The following NOP9 variants were observed in gnomAD, a reference collection of about 807,000 sequenced individuals.
NOP9 encodes nucleolar protein 9.
A neutral mutation model predicts 63.0 loss-of-function variants in NOP9; 50 were observed. That is an observed-to-expected ratio of 0.79 (90% CI 0.63 to 1.00). The LOEUF (loss-of-function observed/expected upper bound fraction) is 1.00, where lower values mean the gene tolerates loss of function less well. Ranked by LOEUF, NOP9 falls within the 50% of genes least tolerant of loss-of-function variation. The pLI, the probability that NOP9 is intolerant of heterozygous loss-of-function variation, is 0.00. For synonymous variants in NOP9, 343 were observed against 332.8 expected, an observed-to-expected ratio of 1.03 and a Z score of -0.33; for missense variants, 758 against 803.0, an observed-to-expected ratio of 0.94 and a Z score of 0.68.
chr14:24,278,983 G>A, the NOP9 span, among the ~76,000 whole-genome samples: 6 of 152,292 alleles, frequency 3.9e-5, no homozygotes, highest in South Asian at 6.2e-4. Context: ...AATAGAAACC[G>A]AATTGATTCT....
chr14:24,275,020 C>A, the NOP9 span, among the ~76,000 whole-genome samples: 1 of 146,436 alleles, frequency 6.8e-6, no homozygotes, highest in African/African-American at 2.5e-5. Flanking sequence ...TCAAGCGATT[C>A]TCCTGCCTCA....
At chr14:24,285,315 C>T in the NOP9 span, among the ~76,000 whole-genome samples, 1 of 152,190 alleles carries the variant, frequency 6.6e-6, no homozygotes, top group Non-Finnish European at 1.5e-5. Flanking sequence ...TAAGCTGTCA[C>T]ACTTTCCTCT....
rs1442917797 is a variant in NOP9 at position 24,304,094 on chromosome 14, A to G, written c.1464A>G (p.Leu488=). 2 of 1,614,078 alleles carry G rather than the reference A, an allele frequency of 1.2e-6. No individual in the cohort carries two copies. The highest frequency in any genetic ancestry group is 1.3e-5 in the African/African-American group (1 of 74,910). Residue 488 remains leucine, a synonymous_variant, in exon 8 of 10, where the codon CTA becomes CTG. Coordinates refer to ENST00000267425, the MANE Select transcript of NOP9 (RefSeq NM_174913.3). ...GGGATGTGACAGTCCTTGGGTCTCTACTGCTCCAGCATCTGCTGCACTTCT... is the reference window on the plus strand; with the variant it reads ...GGGATGTGACAGTCCTTGGGTCTCTGCTGCTCCAGCATCTGCTGCACTTCT... ...ALGDVTVLGS[L]LLQHLLHFST...
Position 24,306,675 on chromosome 14 carries a change from C to T in NOP9, c.*1580C>T, listed in dbSNP as rs1183124951. Reference sequence around the variant, plus strand: ...ATACCTCCTAAAGGTTGCAGCTCTCCGTGTTCTTCAGTTTTTGGGGGATCC... The same window carrying T: ...ATACCTCCTAAAGGTTGCAGCTCTCTGTGTTCTTCAGTTTTTGGGGGATCC... On this transcript the variant is annotated 3_prime_UTR_variant, in exon 10 of 10. Coordinates refer to ENST00000267425, the MANE Select transcript of NOP9 (RefSeq NM_174913.3). 4.9e-5 allele frequency: 44 copies of T among 902,426 alleles called. No individual in the cohort carries two copies. Among genetic ancestry groups the T allele is most frequent in the Non-Finnish European group, 6.4e-5 (38 of 594,872 alleles). 55.9% of individuals were successfully genotyped at this position (902,426 alleles called of 1,614,324 possible). A position where few individuals can be genotyped will look rare whatever the true frequency, so the allele number is the denominator to read the frequency against.
chr14:24,304,092 C>T lies in NOP9; in HGVS notation c.1462C>T (p.Leu488=), dbSNP rs182478057. The change falls in exon 8 of 10, where the codon CTA becomes TTA. Residue 488 remains leucine (L), a synonymous_variant. Coordinates refer to ENST00000267425, the MANE Select transcript of NOP9 (RefSeq NM_174913.3). ...GGGGGATGTGACAGTCCTTGGGTCTCTACTGCTCCAGCATCTGCTGCACTT... is the reference window on the plus strand; with the variant it reads ...GGGGGATGTGACAGTCCTTGGGTCTTTACTGCTCCAGCATCTGCTGCACTT... ...ALGDVTVLGS[L]LLQHLLHFST... is the part of the protein sequence containing the mutation. 1.2e-6 allele frequency: 2 copies of T among 1,614,234 alleles called. No individual in the cohort carries two copies. Among genetic ancestry groups the T allele is most frequent in the East Asian group, 2.2e-5 (1 of 44,894 alleles).
In NOP9 at chr14:24,300,441, A is replaced by C. The variant is rs192494773; in HGVS notation, c.281A>C (p.Glu94Ala). 19 of 1,613,948 alleles carry C rather than the reference A, an allele frequency of 1.2e-5. No individual in the cohort carries two copies. The highest frequency in any genetic ancestry group is 1.7e-5 in the Admixed American group (1 of 60,000). ...GTGCACAATATAATGAAGGAAGTAG[A>C]GACTCAGGCCCTAGCTTTGTCCACG... ...LMVHNIMKEVETQALALSTNR... is the reference protein window; with the variant it reads ...LMVHNIMKEVATQALALSTNR... The change falls in exon 2 of 10, where the codon GAG becomes GCG. Residue 94 changes from glutamate to alanine, a missense_variant. Transcript: ENST00000267425.
chr14:24,283,031 C>G, the NOP9 span, among the ~76,000 whole-genome samples: 1 of 152,254 alleles, frequency 6.6e-6, no homozygotes. Context: ...CATGACAACT[C>G]TGTCCAAACC....
At chr14:24,288,980 A>ATT in the NOP9 span, among the ~76,000 whole-genome samples, 1 of 144,164 alleles carries the variant, frequency 6.9e-6, no homozygotes. Flanking sequence ...CGCCCAGCTA[A>ATT]TTTTTTTTTT....
chr14:24,271,990 G>A, the NOP9 span, among the ~76,000 whole-genome samples: 1 of 152,026 alleles, frequency 6.6e-6, no homozygotes, highest in African/African-American at 2.4e-5. Flanking sequence ...CTGCACCTCT[G>A]CCTCTCTCTT....
In NOP9 at chr14:24,306,212, A is replaced by G. The variant is rs1024930072; in HGVS notation, c.*1117A>G. On this transcript the variant is annotated 3_prime_UTR_variant, in exon 10 of 10. Coordinates refer to ENST00000267425, the MANE Select transcript of NOP9 (RefSeq NM_174913.3). Reference sequence around the variant, plus strand: ...CACTAATCTCCATCAGCACTGGGTCAGACCCTCCCTCGCTTGGACTTTCTG... The same window carrying G: ...CACTAATCTCCATCAGCACTGGGTCGGACCCTCCCTCGCTTGGACTTTCTG... 104 of 1,546,284 alleles carry G rather than the reference A, an allele frequency of 6.7e-5. No individual in the cohort carries two copies. Among genetic ancestry groups the G allele is most frequent in the Non-Finnish European group, 8.4e-5 (95 of 1,128,738 alleles).
rs897929988 is a variant in NOP9, at chr14:24,307,093, T to G, written c.*1998T>G. 1 of 350,710 alleles carries G rather than the reference T, an allele frequency of 2.9e-6. No individual in the cohort carries two copies. Among genetic ancestry groups the G allele is most frequent in the African/African-American group, 2.1e-5 (1 of 47,710 alleles). The allele number at this position is 350,710 out of a possible 1,614,324, so 21.7% of individuals were successfully genotyped here. ...GAAGTGGCAGAATCAGAATTTGAACTTGATTTGTCACACAAATCACCTTTC... is the reference window on the plus strand; with the variant it reads ...GAAGTGGCAGAATCAGAATTTGAACGTGATTTGTCACACAAATCACCTTTC... On this transcript the variant is annotated 3_prime_UTR_variant, in exon 10 of 10. Transcript: ENST00000267425.
At chr14:24,282,989 G>A in the NOP9 span, among the ~76,000 whole-genome samples, 1 of 152,212 alleles carries the variant, frequency 6.6e-6, no homozygotes, top group Non-Finnish European at 1.5e-5. Context: ...GTGGGCAGCA[G>A]CATCCCACTG....
chr14:24,277,539 AC>A, the NOP9 span, among the ~76,000 whole-genome samples: 1 of 152,182 alleles, frequency 6.6e-6, no homozygotes, highest in South Asian at 2.1e-4. Context: ...AGAGAGGAGA[AC>A]TTCTGTGCTC....
At chr14:24,291,245 T>C in the NOP9 span, 2 of 1,611,628 alleles carry the variant, frequency 1.2e-6, no homozygotes, top group South Asian at 1.1e-5. Context: ...CAGGTGGAGA[T>C]GGCAGGCAGG....
At chr14:24,281,910 G>A in the NOP9 span, among the ~76,000 whole-genome samples, 1 of 152,144 alleles carries the variant, frequency 6.6e-6, no homozygotes, top group Admixed American at 6.5e-5. Flanking sequence ...GGCCTCCAAA[G>A]TCAAAACCAA....
chr14:24,304,311 C>T (rs756638703), intron 8 of NOP9, 34 bp downstream of exon 8: 1 of 1,552,040 alleles, frequency 6.4e-7, no homozygotes, highest in Non-Finnish European at 8.9e-7. Context: ...GATTCCCCAC[C>T]ATCATCCATT....
rs2041465066 is a variant in NOP9 at position 24,305,386 on chromosome 14, T to C, written c.*291T>C. On this transcript the variant is annotated 3_prime_UTR_variant, in exon 10 of 10. Transcript: ENST00000267425. ...AGATGCCTGGGGGACATCTTGATCT[T>C]GGCCTTTCAGGGCAAGTGGGAGGCC... 5 of 578,386 alleles carry C rather than the reference T, an allele frequency of 8.6e-6. No homozygotes were observed. The highest frequency in any genetic ancestry group is 1.5e-5 in the Non-Finnish European group (5 of 344,164). 35.8% of individuals were successfully genotyped at this position (578,386 alleles called of 1,614,324 possible).
the NOP9 span, among the ~76,000 whole-genome samples, chr14:24,278,906 G>A: frequency 4.6e-5 from 7 of 152,204 alleles, no homozygotes; most frequent in Admixed American, 2.0e-4. Context: ...CCACAGGGAA[G>A]ACATGAAGAT....
At position 24,304,579 on chromosome 14, in the gene NOP9, G is replaced by T. The variant is rs145680020; in HGVS notation, c.1734G>T (p.Lys578Asn). Residue 578 changes from lysine to asparagine, a missense_variant, in exon 9 of 10, where the codon AAG (lysine) becomes AAT (asparagine). Physicochemically the swap from Lys to Asn is moderately conservative, Grantham distance 94. Coordinates refer to ENST00000267425, the MANE Select transcript of NOP9 (RefSeq NM_174913.3). ...IWSGAALRAR[K>N]EIAAELGEQN... ...GTGGAGCAGCCTTGAGGGCCCGGAAGGAAATTGCTGCTGAGCTTGGTGAGT... is the reference window on the plus strand; with the variant it reads ...GTGGAGCAGCCTTGAGGGCCCGGAATGAAATTGCTGCTGAGCTTGGTGAGT... 4.3e-6 allele frequency: 7 copies of T among 1,611,378 alleles called. No homozygotes were observed. In the Admixed American group the frequency reaches 5.1e-5, roughly 12 times the overall value.
Sources: allele counts gnomAD v4.1 joint callset (sites outside exome capture counted in the v4.1 genomes callset), GRCh38; gene constraint gnomAD v4.1.1; transcripts MANE v1.5; gene names NCBI Gene and HGNC (gene_info 2026-07-23, HGNC 2026-07-21).